Variants in CLXN observed in about 807,000 individuals in gnomAD.
CLXN encodes the protein calaxin, also known as EF-hand calcium binding domain 1.
the CLXN span, chr8:48,713,940 C>T: frequency 1.3e-5 from 2 of 152,218 alleles, no homozygotes; most frequent in East Asian, 3.9e-4. Flanking sequence ...ATGTCTACCT[C>T]TCCTAAACAG....
the CLXN span, among the ~76,000 whole-genome samples, chr8:48,723,073 G>A: frequency 6.6e-6 from 1 of 152,118 alleles, no homozygotes; most frequent in African/African-American, 2.4e-5. Flanking sequence ...TTCTGGAGAT[G>A]TAATAAACAG....
the CLXN span, among the ~76,000 whole-genome samples, chr8:48,733,591 A>C: frequency 6.6e-6 from 1 of 152,216 alleles, no homozygotes; most frequent in East Asian, 1.9e-4. Flanking sequence ...CCGTTAAAGA[A>C]AATTTAAAAT....
the CLXN span, among the ~76,000 whole-genome samples, chr8:48,728,710 T>C: frequency 2.6e-5 from 4 of 152,240 alleles, no homozygotes; most frequent in Non-Finnish European, 5.9e-5. Context: ...TAAGTATCAT[T>C]ATAATAATAT....
At chr8:48,723,500 T>G in the CLXN span, 2 of 152,222 alleles carry the variant, frequency 1.3e-5, no homozygotes, top group African/African-American at 2.4e-5. Flanking sequence ...TTAATGCATA[T>G]GTAGTAAGAA....
At chr8:48,714,491 G>A in the CLXN span, among the ~76,000 whole-genome samples, 1 of 152,136 alleles carries the variant, frequency 6.6e-6, no homozygotes, top group East Asian at 1.9e-4. Flanking sequence ...TTTTTTTGTT[G>A]TTGACATCTT....
the CLXN span, among the ~76,000 whole-genome samples, chr8:48,728,478 C>T: frequency 6.6e-6 from 1 of 152,164 alleles, no homozygotes; most frequent in Admixed American, 6.5e-5. Flanking sequence ...ACACTCTACA[C>T]ATATCTCTAT....
At chr8:48,712,871 G>A in the CLXN span, among the ~76,000 whole-genome samples, 17,771 of 151,630 alleles carry the variant, frequency 0.12, 3,184 homozygotes, top group African/African-American at 0.39. Context: ...ATGGTGGTGC[G>A]TGTCTGTATT....
the CLXN span, among the ~76,000 whole-genome samples, chr8:48,727,493 TG>T: frequency 6.6e-6 from 1 of 152,000 alleles, no homozygotes; most frequent in Non-Finnish European, 1.5e-5. Flanking sequence ...CAGCAGAGAC[TG>T]GATGAAGTGA....
chr8:48,716,924 T>C, the CLXN span, among the ~76,000 whole-genome samples: 4 of 152,160 alleles, frequency 2.6e-5, no homozygotes, highest in Non-Finnish European at 5.9e-5. Context: ...ACTTCCCAAA[T>C]CTTGGGAGAG....
chr8:48,719,944 C>T, the CLXN span, among the ~76,000 whole-genome samples: 10,596 of 152,096 alleles, frequency 0.07, 465 homozygotes, highest in Middle Eastern at 0.11. Flanking sequence ...AGCATTGTTG[C>T]GGGAAGTCAG....
chr8:48,726,582 C>T, the CLXN span, among the ~76,000 whole-genome samples: 161 of 148,880 alleles, frequency 1.1e-3, 2 homozygotes, highest in East Asian at 6.5e-3. Context: ...ACCATCCATC[C>T]GTCCATCCAC....
the CLXN span, among the ~76,000 whole-genome samples, chr8:48,716,772 A>G: frequency 6.7e-6 from 1 of 148,580 alleles, no homozygotes; most frequent in African/African-American, 2.5e-5. Flanking sequence ...GAGAAAAAGG[A>G]AAAAAAAAAC....
chr8:48,734,280 A>G, the CLXN span, among the ~76,000 whole-genome samples: 1 of 152,184 alleles, frequency 6.6e-6, no homozygotes, highest in Non-Finnish European at 1.5e-5. Flanking sequence ...CACAACTTCT[A>G]AGTTTGCTCG....
the CLXN span, chr8:48,715,119 C>T: frequency 6.6e-6 from 1 of 152,114 alleles, no homozygotes; most frequent in Non-Finnish European, 1.5e-5. Flanking sequence ...CTTACAAATG[C>T]ATTGTAAAAG....
At chr8:48,726,139 C>A in the CLXN span, among the ~76,000 whole-genome samples, 1 of 148,522 alleles carries the variant, frequency 6.7e-6, no homozygotes. Flanking sequence ...TCCATCCATC[C>A]ATCCATCCAT....
the CLXN span, among the ~76,000 whole-genome samples, chr8:48,731,177 A>G: frequency 3.5e-4 from 54 of 152,332 alleles, no homozygotes; most frequent in Non-Finnish European, 6.6e-4. Context: ...CACAAAATAA[A>G]GCCAATATTA....
chr8:48,731,363 T>C, the CLXN span: 1 of 1,612,318 alleles, frequency 6.2e-7, no homozygotes, highest in Non-Finnish European at 8.5e-7. Flanking sequence ...TCCATAATCA[T>C]GTCATCTGTC....
the CLXN span, among the ~76,000 whole-genome samples, chr8:48,719,195 T>A: frequency 1.3e-5 from 2 of 151,918 alleles, no homozygotes; most frequent in African/African-American, 4.8e-5. Flanking sequence ...TTCCTAGAAA[T>A]ATACAACCTA....
chr8:48,723,449 A>C, the CLXN span: 1 of 152,022 alleles, frequency 6.6e-6, no homozygotes. Context: ...ATTTATTAGT[A>C]ACAGTGCATT....
Sources: allele counts gnomAD v4.1 joint callset (sites outside exome capture counted in the v4.1 genomes callset), GRCh38; gene constraint gnomAD v4.1.1; transcripts MANE v1.5; gene names NCBI Gene and HGNC (gene_info 2026-07-23, HGNC 2026-07-21).